MYPN: variants seen among roughly 807,000 people sequenced by gnomAD.
MYPN encodes the protein sarcomeric protein myopalladin, 145 kDa (MYOP).
A neutral mutation model predicts 129.4 loss-of-function variants in MYPN; 63 were observed. That is an observed-to-expected ratio of 0.49 (90% confidence interval 0.40 to 0.60). The LOEUF (loss-of-function observed/expected upper bound fraction) is 0.60, where lower values mean the gene tolerates loss of function less well. Among genes scored for constraint, MYPN ranks in the 20% least tolerant of loss-of-function variants. The pLI is 0.00. For missense variants in MYPN, 1,596 were observed against 1,635.4 expected (o/e 0.98, Z 0.42); for synonymous variants, 629 against 600.9 (o/e 1.05, Z -0.68).
chr10:68,211,620 T>C lies in MYPN; in HGVS notation c.*1165T>C. On this transcript the variant is annotated 3_prime_UTR_variant, in exon 20 of 20. Coordinates refer to ENST00000358913, the MANE Select transcript of MYPN (RefSeq NM_032578.4). ...CCTGCCTCTTAAGGAATTTTTAGAC[T>C]TAAGTTCACTGTGATATCCCTAGTA... is the stretch of plus-strand genomic sequence containing the variant. 1 of 454,132 alleles carries C rather than the reference T, an allele frequency of 2.2e-6. No individual in the cohort carries two copies. The highest frequency in any genetic ancestry group is 4.4e-6 in the Non-Finnish European group (1 of 226,784). 28.1% of individuals were successfully genotyped at this position (454,132 alleles called of 1,614,324 possible). A position where few individuals can be genotyped will look rare whatever the true frequency, so the allele number is the denominator to read the frequency against.
intron 6 of MYPN, among the ~76,000 whole-genome samples, chr10:68,153,821 C>A (rs565644407): frequency 2.0e-5 from 3 of 152,148 alleles, no homozygotes; most frequent in African/African-American, 4.8e-5. Flanking sequence ...CTTCTTCCTG[C>A]CCTATTTACT....
At chr10:68,156,338 A>G (rs1358835248) in intron 6 of MYPN, among the ~76,000 whole-genome samples, 2 of 152,210 alleles carry the variant, frequency 1.3e-5, no homozygotes, top group Admixed American at 1.3e-4. Flanking sequence ...GTCAGGGTGG[A>G]GGACATACTC....
intron 7 of MYPN, 141 bp from the exon 8 acceptor site, chr10:68,161,588 C>G: frequency 3.1e-6 from 2 of 647,622 alleles, no homozygotes; most frequent in Non-Finnish European, 5.4e-6. Context: ...TTGAGATCAT[C>G]TTACTTAATA....
chr10:68,089,312 G>T (rs1377753619), intron 1 of MYPN, among the ~76,000 whole-genome samples: 2 of 152,030 alleles, frequency 1.3e-5, no homozygotes, highest in Non-Finnish European at 2.9e-5. Context: ...CATTAAAGGT[G>T]TGAGCCACTT....
At chr10:68,128,249 T>C (rs2042356059) in intron 2 of MYPN, among the ~76,000 whole-genome samples, 1 of 152,226 alleles carries the variant, frequency 6.6e-6, no homozygotes, top group Admixed American at 6.5e-5. Flanking sequence ...CTCCAAATTC[T>C]TTCCCCAGGA....
intron 2 of MYPN, among the ~76,000 whole-genome samples, chr10:68,142,061 A>G (rs2042586922): frequency 2.0e-5 from 3 of 152,218 alleles, no homozygotes; most frequent in African/African-American, 4.8e-5. Context: ...CAGTGGATCT[A>G]TAAGATAGAT....
At position 68,174,225 on chromosome 10, in the gene MYPN, G is replaced by A. The variant is rs370032844; in HGVS notation, c.2133G>A (p.Lys711=). The change falls in exon 11 of 20, where the codon AAG becomes AAA. Residue 711 remains lysine, a synonymous_variant. Coordinates refer to ENST00000358913, the MANE Select transcript of MYPN (RefSeq NM_032578.4). ...PAVTTSSKQV[K]APSSQTFSLA... ...TGACAACATCCAGTAAGCAGGTGAA[G>A]GCTCCTTCATCACAGACGTTCAGCT... 6.8e-6 allele frequency: 11 copies of A among 1,613,922 alleles called. No homozygotes were observed. In the African/African-American group the frequency reaches 1.3e-4, roughly 20 times the overall value.
chr10:68,099,707 T>C (rs12778072), intron 1 of MYPN, among the ~76,000 whole-genome samples: 1 of 152,202 alleles, frequency 6.6e-6, no homozygotes, highest in Non-Finnish European at 1.5e-5. Flanking sequence ...TTATGTATTG[T>C]TGCTTCAATT....
At chr10:68,145,343 G>A (rs2042644799) in intron 3 of MYPN, 132 bp from the exon 4 acceptor site, 1 of 744,098 alleles carries the variant, frequency 1.3e-6, no homozygotes, top group Non-Finnish European at 2.3e-6. Flanking sequence ...TCATTTCTAA[G>A]ATTCTGTAGG....
chr10:68,113,475 C>T (rs2042109349), intron 1 of MYPN, among the ~76,000 whole-genome samples: 1 of 152,018 alleles, frequency 6.6e-6, no homozygotes, highest in African/African-American at 2.4e-5. Context: ...GTGGGTGGAT[C>T]ACTTGAGCCC....
At chr10:68,138,108 T>C (rs1003175143) in intron 2 of MYPN, among the ~76,000 whole-genome samples, 5 of 131,814 alleles carry the variant, frequency 3.8e-5, no homozygotes, top group African/African-American at 1.5e-4. Context: ...TTCTTTTTTC[T>C]TCTTTTTTTT....
chr10:68,099,250 G>A (rs141085290), intron 1 of MYPN, among the ~76,000 whole-genome samples: 132 of 152,232 alleles, frequency 8.7e-4, no homozygotes, highest in African/African-American at 2.9e-3. Flanking sequence ...GAGTTTTACT[G>A]CTGGCTTACA....
intron 2 of MYPN, among the ~76,000 whole-genome samples, chr10:68,141,634 C>G (rs2042580665): frequency 6.6e-6 from 1 of 152,128 alleles, no homozygotes; most frequent in African/African-American, 2.4e-5. Flanking sequence ...TCCCTTCGCC[C>G]CTAATAGCCG....
chr10:68,211,864 C>T lies in MYPN; in HGVS notation c.*1409C>T, dbSNP rs1243896033. On this transcript the variant is annotated 3_prime_UTR_variant, in exon 20 of 20. Transcript: ENST00000358913. Reference sequence around the variant, plus strand: ...AATTGCAGGTGTCTGTTTTCAATTCCCTGTGCTGGAATCCCTGGTGCTGTC... The same window carrying T: ...AATTGCAGGTGTCTGTTTTCAATTCTCTGTGCTGGAATCCCTGGTGCTGTC... 1 of 452,944 alleles carries T rather than the reference C, an allele frequency of 2.2e-6. No homozygotes were observed. Among genetic ancestry groups the T allele is most frequent in the East Asian group, 6.9e-5 (1 of 14,402 alleles). The allele number at this position is 452,944 out of a possible 1,614,324, so 28.1% of individuals were successfully genotyped here.
intron 1 of MYPN, among the ~76,000 whole-genome samples, chr10:68,118,901 GGAAGGAA>G (rs2042198110): frequency 6.7e-6 from 1 of 148,482 alleles, no homozygotes; most frequent in African/African-American, 2.5e-5. Flanking sequence ...AAGGAAGGAA[GGAAGGAA>G]GGAAGGAAGG....
intron 12 of MYPN, among the ~76,000 whole-genome samples, chr10:68,179,581 A>G (rs577150214): frequency 1.3e-5 from 2 of 152,346 alleles, no homozygotes; most frequent in African/African-American, 2.4e-5. Flanking sequence ...ACTTGACTAT[A>G]TAGATTCTGA....
At chr10:68,178,678 G>C (rs12251411) in intron 12 of MYPN, among the ~76,000 whole-genome samples, 1,895 of 140,400 alleles carry the variant, frequency 0.013, 46 homozygotes, top group African/African-American at 0.047. Context: ...ATGCCATTGA[G>C]CTCCAGTCTG....
chr10:68,188,347 T>C (rs751885747), intron 12 of MYPN, among the ~76,000 whole-genome samples: 1 of 152,032 alleles, frequency 6.6e-6, no homozygotes, highest in Non-Finnish European at 1.5e-5. Flanking sequence ...TGGCCTCAGG[T>C]GATCCACCTA....
chr10:68,191,287 T>C (rs1319079237), intron 13 of MYPN, among the ~76,000 whole-genome samples: 1 of 151,718 alleles, frequency 6.6e-6, no homozygotes, highest in African/African-American at 2.4e-5. Flanking sequence ...GTGAGATCTC[T>C]GCTCACTGCT....
Sources: allele counts gnomAD v4.1 joint callset (sites outside exome capture counted in the v4.1 genomes callset), GRCh38; gene constraint gnomAD v4.1.1; transcripts MANE v1.5; gene names NCBI Gene and HGNC (gene_info 2026-07-23, HGNC 2026-07-21).